Variants in PCDH15 observed in about 807,000 individuals in gnomAD.
PCDH15 encodes protocadherin related 15.
Under a neutral mutation model 178.5 loss-of-function variants are expected in PCDH15, and 129 were observed. The ratio of observed to expected loss-of-function variants is 0.72; its 90% CI spans 0.63 to 0.84. The LOEUF (loss-of-function observed/expected upper bound fraction) is 0.84. Among genes scored for constraint, PCDH15 ranks in the 40% least tolerant of loss-of-function variants. The probability of loss-of-function intolerance (pLI) is 0.00; values close to 1 mark genes in which losing one functional copy is unlikely to be tolerated. For missense variants in PCDH15, 2,230 were observed against 2,099.9 expected, an observed-to-expected ratio of 1.06 and a Z score of -1.21; for synonymous variants, 800 against 732.0, an observed-to-expected ratio of 1.09 and a Z score of -1.50.
At chr10:54,233,828 T>C (rs2054327514) in intron 9 of PCDH15, among the ~76,000 whole-genome samples, 1 of 152,204 alleles carries the variant, frequency 6.6e-6, no homozygotes, top group Admixed American at 6.5e-5. Flanking sequence ...AACATCATTA[T>C]CTAGCTTTTC....
intron 5 of PCDH15, among the ~76,000 whole-genome samples, chr10:54,349,544 G>A (rs1026539136): frequency 6.6e-6 from 1 of 152,044 alleles, no homozygotes; most frequent in South Asian, 2.1e-4. Context: ...CATAAAAGTA[G>A]CATGATGTCT....
At chr10:55,328,126 A>G (rs1356747624) in intron 2 of PCDH15, among the ~76,000 whole-genome samples, 1 of 151,970 alleles carries the variant, frequency 6.6e-6, no homozygotes, top group Non-Finnish European at 1.5e-5. Context: ...CCCTTATATG[A>G]GAAACATATT....
At position 54,153,127 on chromosome 10, in the gene PCDH15, G is replaced by A. The variant is rs201301491; in HGVS notation, c.1757C>T (p.Ala586Val). 1 of 1,613,776 alleles carries A rather than the reference G, an allele frequency of 6.2e-7. No homozygotes were observed. Among genetic ancestry groups the A allele is most frequent in the South Asian group, 1.1e-5 (1 of 91,084 alleles). The change falls in exon 14 of 38, where the codon GCG becomes GTG. Residue 586 changes from alanine to valine, a missense_variant. By Grantham distance (64) the Ala-to-Val change is moderately conservative. Transcript: ENST00000644397. Reference sequence around the variant, plus strand: ...TCGCTCTGCAGGAGGAGCATTATCCGCTGCTTGGACCGTGAGTGCGTAAGT... The same window carrying A: ...TCGCTCTGCAGGAGGAGCATTATCCACTGCTTGGACCGTGAGTGCGTAAGT... ...GRTYALTVQA[A>V]DNAPPAERRN...
upstream of PCDH15, among the ~76,000 whole-genome samples, chr10:54,803,198 A>G (rs747614634): frequency 3.3e-5 from 5 of 152,280 alleles, no homozygotes; most frequent in Admixed American, 1.3e-4. Flanking sequence ...TGAATATGAC[A>G]TTTAACTTCC....
intron 1 of PCDH15, among the ~76,000 whole-genome samples, chr10:55,314,345 GT>G (rs1339407418): frequency 6.6e-6 from 1 of 151,290 alleles, no homozygotes; most frequent in Non-Finnish European, 1.5e-5. Context: ...GAACATATTG[GT>G]GGGAAAAAGG....
intron 3 of PCDH15, among the ~76,000 whole-genome samples, chr10:54,820,121 C>G (rs527656472): frequency 6.6e-6 from 1 of 151,982 alleles, no homozygotes; most frequent in Admixed American, 6.6e-5. Context: ...CCAACAATGA[C>G]AAGGAAAGTA....
At chr10:55,609,450 T>C (rs1843313133) in intron 2 of PCDH15, among the ~76,000 whole-genome samples, 1 of 152,154 alleles carries the variant, frequency 6.6e-6, no homozygotes, top group Non-Finnish European at 1.5e-5. Flanking sequence ...TGAGAAAATT[T>C]TTAATAATCT....
chr10:54,529,257 T>C (rs16906247), intron 2 of PCDH15, among the ~76,000 whole-genome samples: 2,324 of 152,120 alleles, frequency 0.015, 59 homozygotes, highest in African/African-American at 0.052. Context: ...AGTCATAACA[T>C]TTTCAGATCT....
At chr10:54,730,557 G>T (rs1202623889) in intron 1 of PCDH15, among the ~76,000 whole-genome samples, 1 of 151,292 alleles carries the variant, frequency 6.6e-6, no homozygotes, top group Non-Finnish European at 1.5e-5. Context: ...AAGTTGGAAA[G>T]AACAAATCAT....
chr10:54,696,146 G>A (rs2095220052), intron 1 of PCDH15, among the ~76,000 whole-genome samples: 2 of 152,032 alleles, frequency 1.3e-5, no homozygotes, highest in African/African-American at 4.8e-5. Flanking sequence ...ATGCCATTAA[G>A]AACATTTATA....
At chr10:54,218,286 C>CA (rs60375759) in intron 9 of PCDH15, among the ~76,000 whole-genome samples, 3 of 151,846 alleles carry the variant, frequency 2.0e-5, no homozygotes, top group East Asian at 1.9e-4. Context: ...GCTAATATCA[C>CA]AAAAAAAGAG....
At position 54,972,645 on chromosome 10, in the gene PCDH15, C is replaced by T. The variant is rs191989018; in HGVS notation, c.-79-75145G>A. ...CAGGCATATCACGAGGTCAGGAGAT[C>T]GAAACCATCCTGGGTAACATGGTGA... On this transcript the variant is annotated intron_variant, in intron 2 of 5. Coordinates refer to the PCDH15 transcript ENST00000458638. Among the ~76,000 whole-genome samples, 234 of 151,896 alleles carry T rather than the reference C, an allele frequency of 1.5e-3. 2 individuals carry two copies. The highest frequency in any genetic ancestry group is 9.6e-3 in the East Asian group (49 of 5,128).
chr10:54,209,802 C>A (rs530659182), intron 10 of PCDH15, among the ~76,000 whole-genome samples: 7 of 152,154 alleles, frequency 4.6e-5, no homozygotes, highest in African/African-American at 1.4e-4. Context: ...ATCATTGAAT[C>A]AGGGTGTTCT....
intron 1 of PCDH15, among the ~76,000 whole-genome samples, chr10:55,260,467 T>G (rs1383868629): frequency 6.6e-6 from 1 of 151,918 alleles, no homozygotes; most frequent in Non-Finnish European, 1.5e-5. Context: ...TTTCCAAAAT[T>G]GATTAAAAGA....
intron 2 of PCDH15, among the ~76,000 whole-genome samples, chr10:54,597,721 AATAG>A (rs991518214): frequency 2.0e-5 from 3 of 152,088 alleles, no homozygotes; most frequent in African/African-American, 7.2e-5. Flanking sequence ...ACATTAATAC[AATAG>A]ATAGACCACT....
intron 14 of PCDH15, among the ~76,000 whole-genome samples, chr10:54,149,873 G>A (rs1250438671): frequency 6.6e-6 from 1 of 152,118 alleles, no homozygotes; most frequent in East Asian, 1.9e-4. Context: ...AGCAGTTGTT[G>A]CTTTCTGAAT....
At chr10:54,449,879 A>G (rs2076360623) in intron 3 of PCDH15, among the ~76,000 whole-genome samples, 1 of 151,618 alleles carries the variant, frequency 6.6e-6, no homozygotes, top group Admixed American at 6.6e-5. Context: ...CCCCATGGAT[A>G]CTGAGAGACA....
chr10:54,994,295 A>G (rs1839581391), intron 2 of PCDH15, among the ~76,000 whole-genome samples: 1 of 152,208 alleles, frequency 6.6e-6, no homozygotes, highest in Non-Finnish European at 1.5e-5. Context: ...TCACAAAGAC[A>G]AATCCATAAA....
chr10:54,342,137 C>A (rs556127341), intron 6 of PCDH15, among the ~76,000 whole-genome samples: 12 of 152,090 alleles, frequency 7.9e-5, no homozygotes. Flanking sequence ...GCATAAGTAA[C>A]GAGGAACCAA....
Sources: gnomAD v4.1 joint callset for allele counts (sites outside exome capture counted in the v4.1 genomes callset) on GRCh38, gnomAD v4.1.1 for gene constraint, MANE v1.5 for transcripts, NCBI Gene and HGNC (gene_info 2026-07-23, HGNC 2026-07-21) for gene names.